Variants in PCDHA5 observed in about 807,000 individuals in gnomAD.
The protein encoded by PCDHA5 is protocadherin alpha 5.
A neutral mutation model predicts 61.6 loss-of-function variants in PCDHA5; 43 were observed. The ratio of observed to expected loss-of-function variants is 0.70; its 90% CI spans 0.55 to 0.90. The LOEUF (loss-of-function observed/expected upper bound fraction) is 0.90. Among genes scored for constraint, PCDHA5 ranks in the 40% least tolerant of loss-of-function variants. The pLI is 0.00. For synonymous variants in PCDHA5, 627 were observed against 543.9 expected (o/e 1.15, Z -2.13); for missense variants, 1,298 against 1,222.7 (o/e 1.06, Z -0.92).
chr5:140,827,237 T>G (rs2150146778), intron 1 of PCDHA5, among the ~76,000 whole-genome samples: 1 of 152,254 alleles, frequency 6.6e-6, no homozygotes, highest in South Asian at 2.1e-4. Flanking sequence ...GGGACAGGGT[T>G]GAAGTTGAGA....
chr5:140,867,042 G>A (rs782113838), intron 1 of PCDHA5: 4 of 152,084 alleles, frequency 2.6e-5, no homozygotes, highest in Non-Finnish European at 4.4e-5. Flanking sequence ...ATGACTTGGC[G>A]TTTGTTCAGT....
At chr5:140,945,371 A>G (rs926668947) in intron 1 of PCDHA5, among the ~76,000 whole-genome samples, 2 of 152,104 alleles carry the variant, frequency 1.3e-5, no homozygotes, top group African/African-American at 4.8e-5. Context: ...AAATGTCCAT[A>G]TTACCCAAAG....
At position 140,950,714 on chromosome 5, in the gene PCDHA5, TA is replaced by T. The variant is rs554168605; in HGVS notation, c.2353-28234del. On this transcript the variant is annotated intron_variant, in intron 1 of 3. Coordinates refer to ENST00000529859, the MANE Select transcript of PCDHA5 (RefSeq NM_018908.3). ...AAATTTGACAAATTTTTGTTCCTTA[TA>T]TCCTTAAATTTTTTAATCCTAATTT... Among the ~76,000 whole-genome samples the T allele has an allele frequency of 2.0e-3, 304 of 152,244 alleles. 4 individuals are homozygous for T. The highest frequency in any genetic ancestry group is 6.6e-3 in the African/African-American group (275 of 41,574).
chr5:140,981,670 C>T (rs1389601276), intron 2 of PCDHA5, among the ~76,000 whole-genome samples: 8 of 152,070 alleles, frequency 5.3e-5, no homozygotes, highest in Non-Finnish European at 1.0e-4. Context: ...TCCTTCCTTT[C>T]TTCCTTCCTC....
rs2150115215 is a variant in PCDHA5 at position 140,822,284 on chromosome 5, G to C, written c.509G>C (p.Arg170Thr). 4 of 1,614,234 alleles carry C rather than the reference G, an allele frequency of 2.5e-6. No homozygotes were observed. Among genetic ancestry groups the C allele is most frequent in the Non-Finnish European group, 3.4e-6 (4 of 1,180,044 alleles). ...DIGANAQLRY[R>T]LNPNEYFDLD... Reference sequence around the variant, plus strand: ...GGAGCAAATGCACAATTGAGATACAGGTTAAATCCAAACGAATATTTTGAC... The same window carrying C: ...GGAGCAAATGCACAATTGAGATACACGTTAAATCCAAACGAATATTTTGAC... Residue 170 changes from arginine (R) to threonine (T), a missense_variant, in exon 1 of 4, where the codon AGG (arginine) becomes ACG (threonine). By Grantham distance (71) the Arg-to-Thr change is moderately conservative (BLOSUM62 -1). Coordinates refer to ENST00000529859, the MANE Select transcript of PCDHA5 (RefSeq NM_018908.3).
intron 1 of PCDHA5, among the ~76,000 whole-genome samples, chr5:140,832,018 A>G (rs1771809703): frequency 6.6e-6 from 1 of 152,212 alleles, no homozygotes; most frequent in Admixed American, 6.6e-5. Context: ...TTACGTAAAG[A>G]TTGAATTTTT....
At chr5:140,938,415 T>A (rs1034279514) in intron 1 of PCDHA5, among the ~76,000 whole-genome samples, 6 of 152,190 alleles carry the variant, frequency 3.9e-5, no homozygotes, top group African/African-American at 1.4e-4. Context: ...TTGGGTTTAT[T>A]TGCAAAAATC....
At chr5:140,828,744 G>T (rs1769918189) in intron 1 of PCDHA5, 30 of 1,614,110 alleles carry the variant, frequency 1.9e-5, no homozygotes, top group Non-Finnish European at 2.5e-5. Context: ...ACAGATGGGG[G>T]CAAACCTGAG....
chr5:140,878,040 C>T, intron 1 of PCDHA5: 1 of 533,272 alleles, frequency 1.9e-6, no homozygotes, highest in Non-Finnish European at 3.0e-6. Flanking sequence ...ACAATGGAGG[C>T]CATGGAGCAC....
chr5:140,995,353 G>A lies in PCDHA5; in HGVS notation c.2500+12790G>A, dbSNP rs922727759. 8.5e-5 allele frequency among the ~76,000 whole-genome samples: 13 copies of A among 152,138 alleles called. 1 individual carries two copies. The highest frequency in any genetic ancestry group is 4.2e-4 in the South Asian group (2 of 4,804). ...GTAGTGTAGACGGCATGGATAGGTC[G>A]GACAGAGGGATGATTCACGTACTGG... On this transcript the variant is annotated intron_variant, in intron 3 of 3. Transcript: ENST00000529859.
rs1271034090 is a variant in PCDHA5 at position 140,842,237 on chromosome 5, G to T, written c.2352+18110G>T. ...AAATACGGGAGAAATAGTGATTCGG[G>T]GTAATTTGGATTTTGAACAAGAAAA... On this transcript the variant is annotated intron_variant, in intron 1 of 3. Transcript: ENST00000529859. 1.9e-6 allele frequency: 3 copies of T among 1,612,294 alleles called. No individual in the cohort carries two copies. The highest frequency in any genetic ancestry group is 3.3e-5 in the Admixed American group (2 of 59,972).
At chr5:140,966,731 G>C (rs2096045524) in intron 1 of PCDHA5, 3 of 1,405,020 alleles carry the variant, frequency 2.1e-6, no homozygotes, top group Non-Finnish European at 2.8e-6. Flanking sequence ...TGCCGCCTCC[G>C]GCCCTGCCCG....
intron 1 of PCDHA5, chr5:140,858,148 C>A: frequency 6.3e-7 from 1 of 1,597,640 alleles, no homozygotes; most frequent in Non-Finnish European, 8.6e-7. Context: ...ACCTGATCAT[C>A]GCCATCTGCG....
chr5:140,916,733 A>G (rs1242424937), intron 1 of PCDHA5, among the ~76,000 whole-genome samples: 1 of 152,146 alleles, frequency 6.6e-6, no homozygotes, highest in Non-Finnish European at 1.5e-5. Flanking sequence ...TTGTTGCTGC[A>G]AGCTTCACTG....
chr5:140,883,851 T>C, intron 1 of PCDHA5: 1 of 1,612,946 alleles, frequency 6.2e-7, no homozygotes, highest in African/African-American at 1.3e-5. Context: ...CACGAGGAGC[T>C]GGAGCTGTTG....
rs782025005 is a variant in PCDHA5 at position 140,982,513 on chromosome 5, G to C, written c.2450G>C (p.Gly817Ala). 83 of 1,614,076 alleles carry C rather than the reference G, an allele frequency of 5.1e-5. No homozygotes were observed. The highest frequency in any genetic ancestry group is 6.4e-5 in the Non-Finnish European group (75 of 1,180,040). ...GAGGAGGCTGGCATTCTACGGGCTG[G>C]TCCAGGAGGGCCTGATCAGCAGTGG... The part of the protein sequence containing the change: ...HLEEAGILRA[G>A]PGGPDQQWPT... The change falls in exon 3 of 4, where the codon GGT becomes GCT. Residue 817 changes from glycine (G) to alanine (A), a missense_variant. Transcript: ENST00000529859.
intron 1 of PCDHA5, chr5:140,834,498 G>T: frequency 6.2e-7 from 1 of 1,614,130 alleles, no homozygotes; most frequent in Non-Finnish European, 8.5e-7. Context: ...CCCCGAGGAG[G>T]CTAAACATGG....
intron 1 of PCDHA5, among the ~76,000 whole-genome samples, chr5:140,839,385 TG>T (rs1562376337): frequency 1.3e-5 from 2 of 151,834 alleles, no homozygotes; most frequent in South Asian, 2.1e-4. Context: ...ATTATTATGA[TG>T]ATGATGATGA....
At chr5:140,856,855 T>C in intron 1 of PCDHA5, 3 of 1,594,310 alleles carry the variant, frequency 1.9e-6, no homozygotes, top group Middle Eastern at 1.7e-4. Context: ...CTGATTCGGA[T>C]GAAGGAATAA....
Sources: gnomAD v4.1 joint callset for allele counts (sites outside exome capture counted in the v4.1 genomes callset) on GRCh38, gnomAD v4.1.1 for gene constraint, MANE v1.5 for transcripts, NCBI Gene and HGNC (gene_info 2026-07-23, HGNC 2026-07-21) for gene names.